Variants in PIN4 observed in about 807,000 individuals in gnomAD.
PIN4 encodes the protein peptidylprolyl cis/trans isomerase, NIMA-interacting 4, also known as peptidyl-prolyl cis-trans isomerase NIMA-interacting 4.
Under a neutral mutation model 8.3 loss-of-function variants are expected in PIN4, and 3 were observed. The observed-to-expected ratio is 0.36, with a 90% CI of 0.16 to 0.93. PIN4 has a LOEUF of 0.93. PIN4 is among the 40% of genes least tolerant of loss of function. The pLI is 0.44. For synonymous variants in PIN4, 18 were observed against 32.5 expected (o/e 0.55, Z 1.52); for missense variants, 75 against 100.6 (o/e 0.75, Z 1.09).
chrX:72,201,936 G>GTT (rs1279883578), downstream of PIN4, among the ~76,000 whole-genome samples: 1 of 112,869 alleles, frequency 8.9e-6, no homozygotes, highest in Non-Finnish European at 1.9e-5. Flanking sequence ...AAAACACCCT[G>GTT]TTAGAGAATT....
chrX:72,216,587 CTCAG>C (rs1380366840), intron 3 of PIN4, among the ~76,000 whole-genome samples: 1 of 111,752 alleles, frequency 8.9e-6, no homozygotes, highest in Non-Finnish European at 1.9e-5. Context: ...TCTCCCACCC[CTCAG>C]TGACATCTAA....
At chrX:72,253,799 A>C (rs2043097526) in intron 3 of PIN4, among the ~76,000 whole-genome samples, 1 of 107,406 alleles carries the variant, frequency 9.3e-6, no homozygotes, top group Non-Finnish European at 1.9e-5. Flanking sequence ...AAAACAAAAC[A>C]AAACAAAAAA....
intron 2 of PIN4, among the ~76,000 whole-genome samples, chrX:72,196,160 T>C (rs1426727209): frequency 9.2e-6 from 1 of 109,015 alleles, no homozygotes; most frequent in African/African-American, 3.4e-5. Flanking sequence ...TACAGCAGAG[T>C]TGGGATTTGA....
chrX:72,202,989 G>A (rs1452121522), downstream of PIN4, among the ~76,000 whole-genome samples: 1 of 111,721 alleles, frequency 9.0e-6, no homozygotes, highest in African/African-American at 3.3e-5. Context: ...TTCAGGATGG[G>A]GGCTGGTCAC....
chrX:72,206,205 T>C, intron 3 of PIN4: 2 of 1,211,813 alleles, frequency 1.7e-6, no homozygotes, highest in South Asian at 3.5e-5. Flanking sequence ...GCAGTGCCTC[T>C]TGCTTAGGCC....
chrX:72,224,819 C>G (rs892368634), intron 3 of PIN4, among the ~76,000 whole-genome samples: 1 of 111,206 alleles, frequency 9.0e-6, no homozygotes, highest in African/African-American at 3.3e-5. Context: ...CACTGACTCC[C>G]CCATAATAGC....
At chrX:72,218,269 CAA>C (rs762377624) in intron 3 of PIN4, among the ~76,000 whole-genome samples, 5 of 61,218 alleles carry the variant, frequency 8.2e-5, no homozygotes, top group Non-Finnish European at 3.2e-5. Flanking sequence ...GACTCTGTCT[CAA>C]AAAAAAAAAA....
At chrX:72,183,709 A>G (rs1227900488) in intron 1 of PIN4, among the ~76,000 whole-genome samples, 2 of 112,250 alleles carry the variant, frequency 1.8e-5, no homozygotes, top group Non-Finnish European at 3.8e-5. Context: ...TAGATAGAGA[A>G]GGACAGAGGA....
intron 3 of PIN4, among the ~76,000 whole-genome samples, chrX:72,248,737 C>T (rs187385490): frequency 5.2e-4 from 58 of 111,353 alleles, no homozygotes; most frequent in African/African-American, 3.6e-4. Context: ...ATTAGCCAGG[C>T]GTGGTGGTGC....
Position 72,243,511 on chromosome X carries a change from A to G in PIN4, c.313-19196A>G, listed in dbSNP as rs148718863. Among the ~76,000 whole-genome samples the G allele has an allele frequency of 8.3e-3, 934 of 111,994 alleles. 10 individuals are homozygous for G. The highest frequency in any genetic ancestry group is 0.029 in the African/African-American group (886 of 30,894). ...GGAAAAAAAAGGAGAGTACAGATGA[A>G]CAAAGATTGGCAAAATGTTGATAAT... On this transcript the variant is annotated intron_variant, in intron 3 of 3. Coordinates refer to the PIN4 transcript ENST00000423432.
At chrX:72,213,377 G>A (rs535835537) in intron 3 of PIN4, among the ~76,000 whole-genome samples, 17 of 111,914 alleles carry the variant, frequency 1.5e-4, no homozygotes, top group African/African-American at 5.5e-4. Context: ...ACAGGGGGAG[G>A]GAAAATGATC....
At chrX:72,263,166 G>A (rs113967040) in exon 4 of PIN4, 8,147 of 123,879 alleles carry the variant, frequency 0.066, 625 homozygotes, top group African/African-American at 0.23. Context: ...AATACAATGT[G>A]GCAAATTCTA....
chrX:72,209,261 C>A, intron 3 of PIN4, among the ~76,000 whole-genome samples: 1 of 111,386 alleles, frequency 9.0e-6, no homozygotes, highest in South Asian at 3.8e-4. Context: ...CCAGAGCTTC[C>A]GCTCCCACCT....
At chrX:72,194,495 T>C (rs1200455331) in intron 2 of PIN4, among the ~76,000 whole-genome samples, 1 of 108,412 alleles carries the variant, frequency 9.2e-6, no homozygotes, top group Non-Finnish European at 1.9e-5. Context: ...ATCGCACTGC[T>C]GCACTCCAGC....
intron 2 of PIN4, among the ~76,000 whole-genome samples, chrX:72,191,133 C>T (rs2042730745): frequency 9.1e-6 from 1 of 109,527 alleles, no homozygotes; most frequent in African/African-American, 3.4e-5. Context: ...CAACAGAGAA[C>T]TTCATTCCAT....
At chrX:72,238,895 C>T (rs1279095840) in intron 3 of PIN4, 1 of 1,194,396 alleles carries the variant, frequency 8.4e-7, no homozygotes. Context: ...TTCCGGAAAC[C>T]TTCGGGATGC....
Position 72,196,880 on chromosome X carries a change from T to C in PIN4, c.213T>C (p.Tyr71=). 8.3e-7 allele frequency: 1 copy of C among 1,198,806 alleles called. No individual in the cohort carries two copies. Among genetic ancestry groups the C allele is most frequent in the Non-Finnish European group, 1.1e-6 (1 of 888,692 alleles). ...GATTCAATGAAGTGGCCGCACAGTA[T>C]AGTGAAGATAAAGCCAGGCAAGGGG... is the stretch of plus-strand genomic sequence containing the variant. ...GMRFNEVAAQ[Y]SEDKARQGGD... is the part of the protein sequence containing the mutation. Residue 71 remains tyrosine, a synonymous_variant, in exon 3 of 4, where the codon TAT becomes TAC. Coordinates refer to ENST00000373669, the MANE Select transcript of PIN4 (RefSeq NM_006223.4).
intron 3 of PIN4, among the ~76,000 whole-genome samples, chrX:72,235,747 A>G (rs1016738741): frequency 6.3e-5 from 7 of 110,635 alleles, no homozygotes; most frequent in Non-Finnish European, 9.5e-5. Flanking sequence ...AGATATTCCA[A>G]TTTCCCTATT....
intron 3 of PIN4, among the ~76,000 whole-genome samples, chrX:72,262,044 C>T (rs913940352): frequency 9.0e-6 from 1 of 111,261 alleles, no homozygotes; most frequent in Non-Finnish European, 1.9e-5. Flanking sequence ...TGAAGCCTTC[C>T]CAGACCCTCC....
Sources: allele counts gnomAD v4.1 joint callset (sites outside exome capture counted in the v4.1 genomes callset), GRCh38; gene constraint gnomAD v4.1.1; transcripts MANE v1.5; gene names NCBI Gene and HGNC (gene_info 2026-07-23, HGNC 2026-07-21).